The following KCNIP4 variants were observed in gnomAD, a reference collection of about 807,000 sequenced individuals.
KCNIP4 encodes the protein potassium voltage-gated channel interacting protein 4, also known as Kv channel-interacting protein 4.
KCNIP4 carries 12 observed loss-of-function variants against 34.0 expected under a neutral mutation model. The observed-to-expected ratio is 0.35, with a 90% CI of 0.23 to 0.57. The LOEUF is 0.57. KCNIP4 is among the 20% of genes least tolerant of loss of function. The pLI, the probability that KCNIP4 is intolerant of heterozygous loss-of-function variation, is 0.83. For synonymous variants in KCNIP4, 124 were observed against 102.2 expected (o/e 1.21, Z -1.29); for missense variants, 238 against 311.7 (o/e 0.76, Z 1.78).
At chr4:20,798,522 CAT>C (rs1578643415) in intron 3 of KCNIP4, among the ~76,000 whole-genome samples, 2 of 148,654 alleles carry the variant, frequency 1.3e-5, no homozygotes, top group East Asian at 4.2e-4. Flanking sequence ...CAGACACACA[CAT>C]ACACACACAC....
chr4:21,921,445 T>C (rs1201956953), intron 1 of KCNIP4, among the ~76,000 whole-genome samples: 1 of 152,214 alleles, frequency 6.6e-6, no homozygotes, highest in Non-Finnish European at 1.5e-5. Context: ...TCCCAATCTC[T>C]ACTCTAAAAT....
At chr4:21,310,720 C>A (rs1236059989) in intron 1 of KCNIP4, among the ~76,000 whole-genome samples, 1 of 152,014 alleles carries the variant, frequency 6.6e-6, no homozygotes, top group African/African-American at 2.4e-5. Flanking sequence ...CAAGCTCCGC[C>A]TCCGAGGTTC....
intron 1 of KCNIP4, among the ~76,000 whole-genome samples, chr4:21,146,961 G>A (rs1334834068): frequency 6.6e-6 from 1 of 152,010 alleles, no homozygotes; most frequent in African/African-American, 2.4e-5. Flanking sequence ...GTGTGTGTAT[G>A]TATATGTATA....
chr4:21,925,878 A>C (rs1222132338), intron 1 of KCNIP4, among the ~76,000 whole-genome samples: 1 of 152,196 alleles, frequency 6.6e-6, no homozygotes, highest in African/African-American at 2.4e-5. Context: ...ATAAATGATA[A>C]TGGGACACTG....
At chr4:21,282,459 AGTGTGT>A (rs34143880) in intron 1 of KCNIP4, among the ~76,000 whole-genome samples, 6,267 of 146,680 alleles carry the variant, frequency 0.043, 184 homozygotes, top group African/African-American at 0.081. Context: ...AAGATGTGTG[AGTGTGT>A]GTGTGTGTGT....
intron 1 of KCNIP4, among the ~76,000 whole-genome samples, chr4:21,923,855 G>A (rs965992950): frequency 6.6e-6 from 1 of 152,102 alleles, no homozygotes; most frequent in African/African-American, 2.4e-5. Flanking sequence ...TTAATATGGT[G>A]GCTCTGTCTT....
intron 1 of KCNIP4, among the ~76,000 whole-genome samples, chr4:21,771,390 G>A (rs984328942): frequency 2.0e-4 from 30 of 152,116 alleles, no homozygotes; most frequent in African/African-American, 7.2e-4. Context: ...CTCCAGCTTT[G>A]TTCTTTTTGC....
chr4:20,879,359 G>A (rs1724427305), intron 2 of KCNIP4, among the ~76,000 whole-genome samples: 4 of 152,208 alleles, frequency 2.6e-5, no homozygotes, highest in African/African-American at 2.4e-5. Context: ...ATTGGCTATG[G>A]CATAGATCTG....
At chr4:21,586,037 C>T (rs1741583322) in intron 1 of KCNIP4, among the ~76,000 whole-genome samples, 2 of 152,000 alleles carry the variant, frequency 1.3e-5, no homozygotes, top group South Asian at 4.1e-4. Context: ...ATATGTGTGA[C>T]ACTATACTAA....
chr4:21,647,333 G>T (rs1175324911), intron 1 of KCNIP4, among the ~76,000 whole-genome samples: 1 of 151,908 alleles, frequency 6.6e-6, no homozygotes, highest in Non-Finnish European at 1.5e-5. Flanking sequence ...TCCTAATAGC[G>T]AACTTGTCAT....
intron 1 of KCNIP4, among the ~76,000 whole-genome samples, chr4:21,005,190 TTA>T (rs1187244548): frequency 1.3e-5 from 2 of 152,266 alleles, no homozygotes; most frequent in East Asian, 3.9e-4. Flanking sequence ...GGTTCCCAGA[TTA>T]TAATGTTAGC....
At chr4:20,850,897 AACC>A in intron 2 of KCNIP4, 1 of 389,896 alleles carries the variant, frequency 2.6e-6, no homozygotes, top group South Asian at 6.7e-5. Context: ...TAGATATTAC[AACC>A]CTAGCATTGT....
chr4:21,488,738 A>G (rs1565947), intron 1 of KCNIP4, among the ~76,000 whole-genome samples: 84,602 of 151,882 alleles, frequency 0.56, 23,753 homozygotes, highest in Non-Finnish European at 0.59. Context: ...TCCACACCAG[A>G]GACACAGATT....
At chr4:21,926,527 G>A (rs147302324) in intron 1 of KCNIP4, among the ~76,000 whole-genome samples, 8 of 152,254 alleles carry the variant, frequency 5.3e-5, no homozygotes, top group African/African-American at 1.7e-4. Flanking sequence ...TGTTAAGTGG[G>A]CCTTGTGTGC....
At chr4:20,846,447 G>A (rs1332500771) in intron 3 of KCNIP4, among the ~76,000 whole-genome samples, 1 of 152,166 alleles carries the variant, frequency 6.6e-6, no homozygotes, top group Non-Finnish European at 1.5e-5. Flanking sequence ...AGCAAAGCAA[G>A]ATTATGAAAC....
At chr4:21,132,230 T>A (rs932068345) in intron 1 of KCNIP4, among the ~76,000 whole-genome samples, 3 of 152,242 alleles carry the variant, frequency 2.0e-5, no homozygotes, top group Non-Finnish European at 4.4e-5. Flanking sequence ...AACAGCCTGT[T>A]TCTGTTTAAC....
At chr4:21,183,845 G>A (rs1328274149) in intron 1 of KCNIP4, among the ~76,000 whole-genome samples, 3 of 152,018 alleles carry the variant, frequency 2.0e-5, no homozygotes, top group Non-Finnish European at 2.9e-5. Flanking sequence ...TCTCTCTTAT[G>A]TAGATCTTAG....
At chr4:21,255,832 T>C (rs1435384512) in intron 1 of KCNIP4, among the ~76,000 whole-genome samples, 5 of 152,144 alleles carry the variant, frequency 3.3e-5, no homozygotes, top group Non-Finnish European at 7.4e-5. Context: ...TAAATTGACT[T>C]GAAGAAACAT....
At chr4:21,114,123 C>T (rs1185875744) in intron 1 of KCNIP4, among the ~76,000 whole-genome samples, 1 of 152,148 alleles carries the variant, frequency 6.6e-6, no homozygotes, top group Non-Finnish European at 1.5e-5. Context: ...CATACAGCTT[C>T]AGAATATGAT....
Sources: allele counts gnomAD v4.1 joint callset (sites outside exome capture counted in the v4.1 genomes callset), GRCh38; gene constraint gnomAD v4.1.1; transcripts MANE v1.5; gene names NCBI Gene and HGNC (gene_info 2026-07-23, HGNC 2026-07-21).